Variants in LOC400499 observed in about 807,000 individuals in gnomAD.
the LOC400499 span, among the ~76,000 whole-genome samples, chr16:11,389,685 C>CAAAAAAAAA: frequency 1.7e-5 from 1 of 59,040 alleles, no homozygotes; most frequent in Non-Finnish European, 2.9e-5. Context: ...AACTCCATCT[C>CAAAAAAAAA]AAAAAAAAAA....
chr16:11,443,355 A>AT, the LOC400499 span: 1 of 343,644 alleles, frequency 2.9e-6, no homozygotes, highest in Non-Finnish European at 5.4e-6. Flanking sequence ...AAAAAAAAAA[A>AT]AAATGATCGG....
the LOC400499 span, chr16:11,449,084 T>C: frequency 1.4e-6 from 2 of 1,466,434 alleles, no homozygotes. Flanking sequence ...AGAGGCTCTG[T>C]GCCAAGACTG....
At chr16:11,385,737 C>CT in the LOC400499 span, among the ~76,000 whole-genome samples, 1 of 152,238 alleles carries the variant, frequency 6.6e-6, no homozygotes, top group Non-Finnish European at 1.5e-5. Context: ...ATAAAATGTC[C>CT]AGAGCAGGCA....
the LOC400499 span, among the ~76,000 whole-genome samples, chr16:11,451,013 G>A: frequency 6.6e-6 from 1 of 152,230 alleles, no homozygotes; most frequent in Non-Finnish European, 1.5e-5. Context: ...TCACCCAGAT[G>A]TATACACCTG....
the LOC400499 span, chr16:11,488,669 G>C: frequency 2.5e-6 from 1 of 398,510 alleles, no homozygotes; most frequent in Admixed American, 4.4e-5. Flanking sequence ...CAGCCTTTGT[G>C]GTTCCAGAGC....
the LOC400499 span, chr16:11,459,986 G>A: frequency 6.6e-7 from 1 of 1,511,588 alleles, no homozygotes; most frequent in Admixed American, 2.0e-5. Flanking sequence ...TCTTGTCCCA[G>A]TGCTTCCCGT....
the LOC400499 span, among the ~76,000 whole-genome samples, chr16:11,406,815 CCTAAT>C: frequency 2.6e-5 from 4 of 152,212 alleles, no homozygotes; most frequent in African/African-American, 7.2e-5. Flanking sequence ...TTCCTGGCCA[CCTAAT>C]CTAAATAAGC....
the LOC400499 span, among the ~76,000 whole-genome samples, chr16:11,414,913 G>A: frequency 6.6e-6 from 1 of 152,174 alleles, no homozygotes; most frequent in African/African-American, 2.4e-5. Context: ...TTAGGTTCCT[G>A]CTCCCCAAAC....
the LOC400499 span, chr16:11,457,204 G>T: frequency 1.6e-6 from 1 of 619,756 alleles, no homozygotes; most frequent in Non-Finnish European, 2.8e-6. Context: ...AAGGAGCGTT[G>T]GTAAGGATGT....
chr16:11,477,622 G>T, the LOC400499 span, among the ~76,000 whole-genome samples: 1 of 152,220 alleles, frequency 6.6e-6, no homozygotes, highest in Non-Finnish European at 1.5e-5. Context: ...ACATGTGACT[G>T]GACCTCTCTG....
chr16:11,456,147 C>T, the LOC400499 span, among the ~76,000 whole-genome samples: 10 of 151,624 alleles, frequency 6.6e-5, no homozygotes, highest in South Asian at 2.1e-4. Context: ...TGGGTTCAAG[C>T]GATCCTCCTG....
chr16:11,472,045 G>C, the LOC400499 span: 1 of 383,542 alleles, frequency 2.6e-6, no homozygotes, highest in African/African-American at 2.1e-5. Context: ...GGGCTGTCCT[G>C]TGCATTATGG....
At chr16:11,471,404 G>A in the LOC400499 span, 1 of 359,774 alleles carries the variant, frequency 2.8e-6, no homozygotes, top group Non-Finnish European at 4.9e-6. Context: ...GTGCTCTGGG[G>A]TAACCAAGGC....
chr16:11,415,920 A>G, the LOC400499 span, among the ~76,000 whole-genome samples: 1 of 150,736 alleles, frequency 6.6e-6, no homozygotes, highest in African/African-American at 2.5e-5. Context: ...CAGGAGGCTA[A>G]CGGCCAAAAA....
the LOC400499 span, among the ~76,000 whole-genome samples, chr16:11,501,804 A>T: frequency 2.0e-5 from 3 of 152,162 alleles, no homozygotes; most frequent in South Asian, 6.2e-4. Context: ...CTGTCTGGGG[A>T]AGGGAACAAT....
the LOC400499 span, chr16:11,448,851 A>C: frequency 1.1e-5 from 14 of 1,271,774 alleles, no homozygotes; most frequent in South Asian, 2.1e-5. Flanking sequence ...CGAAGCAGGG[A>C]GAGAGGTAGG....
the LOC400499 span, among the ~76,000 whole-genome samples, chr16:11,461,371 C>A: frequency 1.3e-5 from 2 of 152,268 alleles, no homozygotes; most frequent in Admixed American, 1.3e-4. Context: ...AGACGTGTGC[C>A]ACCACACTTG....
the LOC400499 span, chr16:11,383,660 C>G: frequency 8.1e-7 from 1 of 1,232,206 alleles, no homozygotes; most frequent in Non-Finnish European, 1.0e-6. Context: ...GGAGGAGGGG[C>G]CAGGGGTACG....
At chr16:11,418,236 T>C in the LOC400499 span, among the ~76,000 whole-genome samples, 2 of 152,168 alleles carry the variant, frequency 1.3e-5, no homozygotes, top group Non-Finnish European at 2.9e-5. Context: ...TCAGAGGCAT[T>C]TGAACCAGAG....
Sources: allele counts gnomAD v4.1 joint callset (sites outside exome capture counted in the v4.1 genomes callset), GRCh38; gene constraint gnomAD v4.1.1; transcripts MANE v1.5.